The following THSD7B variants were observed in gnomAD, a reference collection of about 807,000 sequenced individuals.
THSD7B encodes thrombospondin type-1 domain-containing protein 7B.
In THSD7B, 138 loss-of-function variants were observed where a neutral mutation model predicts 213.6. The observed-to-expected ratio is 0.65, with a 90% CI of 0.56 to 0.74. The LOEUF (loss-of-function observed/expected upper bound fraction) is 0.74, where lower values mean the gene tolerates loss of function less well. Ranked by LOEUF, THSD7B falls within the 30% of genes least tolerant of loss-of-function variation. The probability of loss-of-function intolerance (pLI) is 0.00; values close to 1 mark genes in which losing one functional copy is unlikely to be tolerated. For missense variants in THSD7B, 1,931 were observed against 1,991.5 expected, an observed-to-expected ratio of 0.97 and a Z score of 0.58; for synonymous variants, 742 against 687.0, an observed-to-expected ratio of 1.08 and a Z score of -1.25.
At chr2:136,852,144 A>G (rs1683108281) in intron 1 of THSD7B, among the ~76,000 whole-genome samples, 1 of 152,096 alleles carries the variant, frequency 6.6e-6, no homozygotes, top group African/African-American at 2.4e-5. Flanking sequence ...TCTGGCTCAA[A>G]GTGGAGAGAT....
chr2:137,302,388 G>T (rs1363860422), intron 12 of THSD7B, among the ~76,000 whole-genome samples: 1 of 152,140 alleles, frequency 6.6e-6, no homozygotes, highest in Non-Finnish European at 1.5e-5. Context: ...GAGGGAAAGA[G>T]AATGGATATC....
At chr2:137,170,700 A>G (rs1247806249) in intron 6 of THSD7B, 41 bp from the exon 7 acceptor site, 1 of 1,585,384 alleles carries the variant, frequency 6.3e-7, no homozygotes, top group African/African-American at 1.4e-5. Context: ...TTCCTGGAAA[A>G]GAGTGGAATT....
chr2:137,105,338 C>G (rs1002226352), intron 4 of THSD7B, among the ~76,000 whole-genome samples: 1 of 152,070 alleles, frequency 6.6e-6, no homozygotes, highest in African/African-American at 2.4e-5. Context: ...GCAGAAAAGC[C>G]CTTCAATAAA....
chr2:136,779,256 T>A (rs369692273), intron 1 of THSD7B, among the ~76,000 whole-genome samples: 1 of 151,008 alleles, frequency 6.6e-6, no homozygotes, highest in South Asian at 2.1e-4. Context: ...TTTTTTAATG[T>A]CAAGTCCTTG....
At chr2:137,019,807 A>C (rs1447413351) in intron 2 of THSD7B, among the ~76,000 whole-genome samples, 1 of 152,134 alleles carries the variant, frequency 6.6e-6, no homozygotes, top group Admixed American at 6.5e-5. Flanking sequence ...GATTTGATTA[A>C]ATGACTGTGC....
intron 5 of THSD7B, among the ~76,000 whole-genome samples, chr2:137,139,365 G>A (rs1255744879): frequency 6.6e-6 from 1 of 152,114 alleles, no homozygotes; most frequent in Non-Finnish European, 1.5e-5. Flanking sequence ...AAAATTAGTA[G>A]TGAAAGGATC....
intron 15 of THSD7B, among the ~76,000 whole-genome samples, chr2:137,522,631 C>T (rs1680206801): frequency 6.6e-6 from 1 of 152,070 alleles, no homozygotes; most frequent in Non-Finnish European, 1.5e-5. Flanking sequence ...TGCAGCTCCT[C>T]TTGCTCTGGA....
intron 1 of THSD7B, among the ~76,000 whole-genome samples, chr2:136,821,435 G>A (rs1682561810): frequency 6.6e-6 from 1 of 152,236 alleles, no homozygotes; most frequent in South Asian, 2.1e-4. Flanking sequence ...TGTGTCTGCA[G>A]GGACTGGCTA....
chr2:137,310,569 A>T (rs567800775), intron 12 of THSD7B, among the ~76,000 whole-genome samples: 4 of 151,528 alleles, frequency 2.6e-5, no homozygotes, highest in Admixed American at 1.3e-4. Flanking sequence ...TTAGACATGA[A>T]GTCCTTGCCC....
intron 1 of THSD7B, among the ~76,000 whole-genome samples, chr2:136,780,938 T>C (rs1195240035): frequency 6.6e-6 from 1 of 152,170 alleles, no homozygotes; most frequent in Non-Finnish European, 1.5e-5. Context: ...ATAGCCGTAG[T>C]GAAGGCCAAC....
At chr2:137,330,187 G>A (rs1684468953) in intron 12 of THSD7B, among the ~76,000 whole-genome samples, 1 of 152,164 alleles carries the variant, frequency 6.6e-6, no homozygotes. Flanking sequence ...TTTCTGCAGG[G>A]GTAGAGGCCT....
chr2:137,446,776 G>A (rs1558799743), intron 14 of THSD7B, among the ~76,000 whole-genome samples: 1 of 152,028 alleles, frequency 6.6e-6, no homozygotes, highest in Non-Finnish European at 1.5e-5. Context: ...GTAGCAATGA[G>A]GTTTAGATGT....
chr2:137,159,626 C>G (rs1479352200), intron 5 of THSD7B, among the ~76,000 whole-genome samples: 1 of 152,092 alleles, frequency 6.6e-6, no homozygotes, highest in Non-Finnish European at 1.5e-5. Context: ...AGTCATTTTC[C>G]AAGAGGACAT....
At chr2:137,176,855 T>C (rs1680367172) in intron 7 of THSD7B, among the ~76,000 whole-genome samples, 2 of 152,202 alleles carry the variant, frequency 1.3e-5, no homozygotes, top group Non-Finnish European at 2.9e-5. Context: ...ACCAGGCTCC[T>C]CCCTTTCCTG....
At chr2:137,042,956 G>T (rs1686908372) in intron 2 of THSD7B, among the ~76,000 whole-genome samples, 2 of 152,216 alleles carry the variant, frequency 1.3e-5, no homozygotes, top group Non-Finnish European at 2.9e-5. Flanking sequence ...GACACAGGCT[G>T]CAGGCCATTG....
intron 2 of THSD7B, among the ~76,000 whole-genome samples, chr2:136,965,428 C>T (rs74886060): frequency 0.014 from 2,130 of 152,232 alleles, 35 homozygotes; most frequent in East Asian, 0.074. Flanking sequence ...GAAGTCCTCA[C>T]GAAGAAAATG....
At chr2:137,670,693 G>T (rs191190749) in intron 27 of THSD7B, among the ~76,000 whole-genome samples, 1 of 151,980 alleles carries the variant, frequency 6.6e-6, no homozygotes. Flanking sequence ...AGGCCAAGGC[G>T]GGCGGATCAC....
chr2:137,608,846 A>G (rs1227283634), intron 17 of THSD7B, among the ~76,000 whole-genome samples: 1 of 152,250 alleles, frequency 6.6e-6, no homozygotes, highest in Non-Finnish European at 1.5e-5. Flanking sequence ...GAAGGACCCC[A>G]GAAATCTGAA....
intron 1 of THSD7B, among the ~76,000 whole-genome samples, chr2:136,873,197 G>T (rs1683469500): frequency 6.6e-6 from 1 of 152,038 alleles, no homozygotes; most frequent in Admixed American, 6.6e-5. Context: ...TATTTGTGAG[G>T]ACTTTTTGCG....
Sources: gnomAD v4.1 joint callset for allele counts (sites outside exome capture counted in the v4.1 genomes callset) on GRCh38, gnomAD v4.1.1 for gene constraint, MANE v1.5 for transcripts, NCBI Gene and HGNC (gene_info 2026-07-23, HGNC 2026-07-21) for gene names.